The following ABHD6 variants were observed in gnomAD, a reference collection of about 807,000 sequenced individuals.
The protein encoded by ABHD6 is abhydrolase domain containing 6, acylglycerol lipase.
In ABHD6, 33 loss-of-function variants were observed where a neutral mutation model predicts 38.8. That is an observed-to-expected ratio of 0.85 (90% CI 0.64 to 1.14). The LOEUF (loss-of-function observed/expected upper bound fraction) is 1.14. Among genes scored for constraint, ABHD6 ranks in the 50% most tolerant of loss-of-function variants. The probability of loss-of-function intolerance (pLI) is 0.00; values close to 1 mark genes in which losing one functional copy is unlikely to be tolerated. For synonymous variants in ABHD6, 147 were observed against 161.6 expected (o/e 0.91, Z 0.69); for missense variants, 380 against 422.6 (o/e 0.90, Z 0.88).
rs2097443525 is a variant in ABHD6 at position 58,269,809 on chromosome 3, A to C, written c.390+375A>C. Among the ~76,000 whole-genome samples, 1 of 152,204 alleles carries C rather than the reference A, an allele frequency of 6.6e-6. No individual in the cohort carries two copies. The highest frequency in any genetic ancestry group is 2.4e-5 in the African/African-American group (1 of 41,446). ...CCTAGCTGGGGAGGGTGTTCTTCACATTATAACGTACTTTAGCATCTATTG... is the reference window on the plus strand; with the variant it reads ...CCTAGCTGGGGAGGGTGTTCTTCACCTTATAACGTACTTTAGCATCTATTG... On this transcript the variant is annotated intron_variant, in intron 5 of 9. Coordinates refer to ENST00000478253, the MANE Select transcript of ABHD6 (RefSeq NM_001320126.2). This position sits in a 1 kb window ranked among gnomAD's most constrained non-coding sequence, Gnocchi z 4.4.
rs1481512626 is a variant in ABHD6 at position 58,285,172 on chromosome 3, T to C, written c.736+33T>C. ...GCCCTACTTTCAGCTTGGAGCTTGT[T>C]ACAAGTGAAGCTCTGTGGATGGATG... On this transcript the variant is annotated intron_variant, in intron 8 of 9. Transcript: ENST00000478253. The surrounding 1 kb of genome is among the most constrained non-coding windows in gnomAD (Gnocchi z 4.9). The C allele has an allele frequency of 6.2e-7, 1 of 1,606,016 alleles. No individual in the cohort carries two copies. The highest frequency in any genetic ancestry group is 8.5e-7 in the Non-Finnish European group (1 of 1,172,710).
intron 7 of ABHD6, among the ~76,000 whole-genome samples, chr3:58,276,761 G>T (rs1424479012): frequency 6.6e-6 from 1 of 152,194 alleles, no homozygotes; most frequent in African/African-American, 2.4e-5. Flanking sequence ...TAACATTTAA[G>T]TCTTTAATCC....
Position 58,285,134 on chromosome 3 carries a change from G to A in ABHD6, c.731G>A (p.Arg244Gln), listed in dbSNP as rs754217725. The stretch of plus-strand genomic sequence containing the variant: ...CGCATCCCTCATAACAACTTCTACC[G>A]AAAGTGTAAGTAGCCCTACTTTCAG... Reference protein sequence around the residue: ...DVRIPHNNFYRKLFLEIVSEK... With the variant: ...DVRIPHNNFYQKLFLEIVSEK... Residue 244 changes from arginine to glutamine, a missense_variant, in exon 8 of 10, where the codon CGA (arginine) becomes CAA (glutamine). Physicochemically the swap from Arg to Gln is conservative, Grantham distance 43. Transcript: ENST00000478253. This position sits in a 1 kb window ranked among gnomAD's most constrained non-coding sequence, Gnocchi z 4.9. The A allele has an allele frequency of 6.8e-6, 11 of 1,614,076 alleles. No individual in the cohort carries two copies. Among genetic ancestry groups the A allele is most frequent in the Admixed American group, 1.7e-5 (1 of 60,018 alleles).
chr3:58,240,753 CGG>C (rs1415247139), intron 1 of ABHD6, among the ~76,000 whole-genome samples: 7 of 90,180 alleles, frequency 7.8e-5, no homozygotes, highest in Admixed American at 2.3e-4. Flanking sequence ...TTTTTTGAGA[CGG>C]AGTCTTGCTC....
chr3:58,245,486 G>T (rs1014253121), intron 1 of ABHD6, among the ~76,000 whole-genome samples: 1 of 151,376 alleles, frequency 6.6e-6, no homozygotes, highest in African/African-American at 2.4e-5. Flanking sequence ...ATTTAGAAAG[G>T]CAAAACCCCA....
chr3:58,241,549 C>A (rs1433853373), intron 1 of ABHD6, among the ~76,000 whole-genome samples: 1 of 152,232 alleles, frequency 6.6e-6, no homozygotes, highest in Non-Finnish European at 1.5e-5. Context: ...TGCTCTTAGG[C>A]ATTTTTCCAG....
At chr3:58,264,964 G>A (rs940397669) in intron 3 of ABHD6, among the ~76,000 whole-genome samples, 7 of 151,758 alleles carry the variant, frequency 4.6e-5, no homozygotes, top group Admixed American at 3.3e-4. Flanking sequence ...TATAGTCACC[G>A]TATTGTGCTA....
chr3:58,255,726 C>T (rs1055285476), intron 2 of ABHD6, among the ~76,000 whole-genome samples: 17 of 152,024 alleles, frequency 1.1e-4, no homozygotes, highest in East Asian at 3.8e-4. Context: ...CTCACTGCAA[C>T]CTCTGCCTCC....
rs751599963 is a variant in ABHD6 at position 58,238,162 on chromosome 3, C to A, written c.-91+246C>A. Reference sequence around the variant, plus strand: ...CCTGGGTCCAGCCAGCCTCTTGAAGCCGGGGGACAGAGTGAGGACGGGTCG... The same window carrying A: ...CCTGGGTCCAGCCAGCCTCTTGAAGACGGGGGACAGAGTGAGGACGGGTCG... On this transcript the variant is annotated intron_variant, in intron 1 of 9. Transcript: ENST00000478253. The surrounding 1 kb of genome is among the most constrained non-coding windows in gnomAD (Gnocchi z 6.9). 47 of 152,522 alleles carry A rather than the reference C, an allele frequency of 3.1e-4. No individual in the cohort carries two copies. Among genetic ancestry groups the A allele is most frequent in the Admixed American group, 3.9e-4 (6 of 15,308 alleles). The allele number at this position is 152,522 out of a possible 1,614,324, so 9.4% of individuals were successfully genotyped here.
intron 7 of ABHD6, 121 bp downstream of exon 7, chr3:58,274,936 A>G (rs1270047551): frequency 2.4e-6 from 3 of 1,231,950 alleles, no homozygotes; most frequent in South Asian, 1.4e-5. Context: ...TCTTCTGCAT[A>G]TATTCAGCAA....
intron 1 of ABHD6, among the ~76,000 whole-genome samples, chr3:58,246,798 T>G (rs1224352517): frequency 6.6e-6 from 1 of 152,182 alleles, no homozygotes; most frequent in African/African-American, 2.4e-5. Context: ...AATTCCTATC[T>G]TCTACCTTAG....
rs2097433761 is a variant in ABHD6, at chr3:58,256,895, C to A, written c.119+190C>A. 6.6e-6 allele frequency among the ~76,000 whole-genome samples: 1 copy of A among 151,168 alleles called. No individual in the cohort carries two copies. The highest frequency in any genetic ancestry group is 6.6e-5 in the Admixed American group (1 of 15,194). On this transcript the variant is annotated intron_variant, in intron 3 of 9. Transcript: ENST00000478253. The surrounding 1 kb of genome is among the most constrained non-coding windows in gnomAD (Gnocchi z 4.3). ...AAGAATATTACCAGATCAGTTCTTT[C>A]AGGTTTGTTTGTTTGTTTGTTTTTT...
At chr3:58,244,415 T>A (rs2097424917) in intron 1 of ABHD6, among the ~76,000 whole-genome samples, 1 of 152,204 alleles carries the variant, frequency 6.6e-6, no homozygotes, top group Non-Finnish European at 1.5e-5. Context: ...GACCAAATGT[T>A]AATTGGAAGG....
In ABHD6 at chr3:58,265,654, C is replaced by T. The variant is rs1229069677; in HGVS notation, c.120-1535C>T. Among the ~76,000 whole-genome samples the T allele has an allele frequency of 6.6e-6, 1 of 152,178 alleles. No individual in the cohort carries two copies. The highest frequency in any genetic ancestry group is 2.4e-5 in the African/African-American group (1 of 41,428). On this transcript the variant is annotated intron_variant, in intron 3 of 9. Transcript: ENST00000478253. The surrounding 1 kb of genome is among the most constrained non-coding windows in gnomAD (Gnocchi z 4.2). ...TGTCTTATTCCATTTTGTGTTGCTA[C>T]AGCAGAATGCCACAGACTAGATAAT...
intron 2 of ABHD6, among the ~76,000 whole-genome samples, chr3:58,250,285 C>T (rs1392167080): frequency 1.3e-5 from 2 of 151,834 alleles, no homozygotes; most frequent in Non-Finnish European, 2.9e-5. Context: ...GTTCATCAGG[C>T]AGCCAGACGT....
chr3:58,248,652 C>G (rs533387109), intron 1 of ABHD6, among the ~76,000 whole-genome samples: 1 of 152,034 alleles, frequency 6.6e-6, no homozygotes, highest in African/African-American at 2.4e-5. Context: ...GAGCTGAGAT[C>G]GCGGCATTGC....
chr3:58,284,859 T>C (rs1161062899), intron 7 of ABHD6, among the ~76,000 whole-genome samples: 2 of 152,136 alleles, frequency 1.3e-5, no homozygotes, highest in Non-Finnish European at 2.9e-5. Flanking sequence ...TTTCACGATA[T>C]TACCCAAGTT....
chr3:58,288,117 C>T (rs1575532773), intron 9 of ABHD6, among the ~76,000 whole-genome samples: 1 of 152,312 alleles, frequency 6.6e-6, no homozygotes, highest in East Asian at 1.9e-4. Context: ...GTTTTGTGGA[C>T]TGTCCCTGGG....
intron 9 of ABHD6, among the ~76,000 whole-genome samples, chr3:58,286,842 G>GCATATA (rs1264959604): frequency 2.7e-5 from 1 of 36,414 alleles, no homozygotes; most frequent in South Asian, 1.4e-3. Context: ...GTGTGTGTGT[G>GCATATA]TGTGTGTGTG....
Sources: gnomAD v4.1 joint callset for allele counts (sites outside exome capture counted in the v4.1 genomes callset) on GRCh38, gnomAD v4.1.1 for gene constraint, Gnocchi (gnomAD v3.1) non-coding constraint, MANE v1.5 for transcripts, NCBI Gene and HGNC (gene_info 2026-07-23, HGNC 2026-07-21) for gene names.